PCLO: variants seen among roughly 807,000 people sequenced by gnomAD.
PCLO encodes piccolo presynaptic cytomatrix protein.
Under a neutral mutation model 427.5 loss-of-function variants are expected in PCLO, and 82 were observed. That is an observed-to-expected ratio of 0.19 (90% confidence interval 0.16 to 0.23). The LOEUF (loss-of-function observed/expected upper bound fraction) is 0.23, where lower values mean the gene tolerates loss of function less well. PCLO is among the 10% of genes least tolerant of loss of function. The probability of loss-of-function intolerance (pLI) is 1.00; values close to 1 mark genes in which losing one functional copy is unlikely to be tolerated. For synonymous variants in PCLO, 2,357 were observed against 2,155.4 expected (o/e 1.09, Z -2.59); for missense variants, 6,239 against 6,115.9 (o/e 1.02, Z -0.67).
At chr7:82,829,333 G>A (rs1055092173) in intron 16 of PCLO, among the ~76,000 whole-genome samples, 1 of 152,094 alleles carries the variant, frequency 6.6e-6, no homozygotes, top group African/African-American at 2.4e-5. Context: ...CTTACTCCCC[G>A]AAGGAAAGTC....
chr7:82,904,742 C>T (rs1794143504), intron 8 of PCLO, among the ~76,000 whole-genome samples: 1 of 151,902 alleles, frequency 6.6e-6, no homozygotes, highest in South Asian at 2.1e-4. Flanking sequence ...AATTTTTTCA[C>T]CAGTTTTATC....
Position 82,955,394 on chromosome 7 carries a change from T to C in PCLO, c.5559A>G (p.Arg1853=), listed in dbSNP as rs61995912. ...TAGGTGAATATTCAGAACAAGAAGA[T>C]CTATGGAGCTCCTCCATTTCTGCAG... ...RQAAEMEELH[R]SSCSEYSPSI... is the part of the protein sequence containing the mutation. Residue 1853 remains arginine, a synonymous_variant, in exon 5 of 25, where the codon AGA becomes AGG. Coordinates refer to ENST00000333891, the MANE Select transcript of PCLO (RefSeq NM_033026.6). 3.3e-3 allele frequency: 5,318 copies of C among 1,613,858 alleles called. 145 individuals carry two copies. In the African/African-American group the frequency reaches 0.06, roughly 18 times the overall value.
intron 7 of PCLO, among the ~76,000 whole-genome samples, chr7:82,912,200 G>A (rs1042233261): frequency 6.6e-6 from 1 of 151,832 alleles, no homozygotes; most frequent in African/African-American, 2.4e-5. Context: ...TTCAAATATA[G>A]ATATAGCATA....
At chr7:82,974,322 G>A (rs1469182890) in intron 3 of PCLO, among the ~76,000 whole-genome samples, 2 of 152,194 alleles carry the variant, frequency 1.3e-5, no homozygotes, top group African/African-American at 2.4e-5. Flanking sequence ...GGAGCTGGAG[G>A]TGGCAGTGAG....
rs547778126 is a variant in PCLO at position 83,075,930 on chromosome 7, T to C, written c.3300+58320A>G. On this transcript the variant is annotated intron_variant, in intron 3 of 24. Coordinates refer to ENST00000333891, the MANE Select transcript of PCLO (RefSeq NM_033026.6). ...GACAATAATGTGTGTAAGCAAAGAGTGTTAAAGAATTTTACACAGGAAAAC... is the reference window on the plus strand; with the variant it reads ...GACAATAATGTGTGTAAGCAAAGAGCGTTAAAGAATTTTACACAGGAAAAC... Among the ~76,000 whole-genome samples the C allele has an allele frequency of 7.2e-5, 11 of 152,036 alleles. 1 individual carries two copies. In the South Asian group the frequency reaches 2.3e-3, roughly 32 times the overall value.
chr7:83,152,848 C>T (rs544138120), intron 2 of PCLO, among the ~76,000 whole-genome samples: 45 of 152,180 alleles, frequency 3.0e-4, no homozygotes, highest in African/African-American at 1.1e-3. Flanking sequence ...TGTATTATCT[C>T]GTGATTTTTA....
intron 9 of PCLO, among the ~76,000 whole-genome samples, chr7:82,882,757 G>A (rs1478458632): frequency 6.6e-6 from 1 of 152,036 alleles, no homozygotes; most frequent in Non-Finnish European, 1.5e-5. Context: ...TACATTATAA[G>A]TATTTGATAA....
chr7:83,071,313 G>A (rs1789810202), intron 3 of PCLO, among the ~76,000 whole-genome samples: 1 of 152,142 alleles, frequency 6.6e-6, no homozygotes, highest in Non-Finnish European at 1.5e-5. Flanking sequence ...CTGTTTTAAA[G>A]TATTTCTTAA....
intron 10 of PCLO, among the ~76,000 whole-genome samples, chr7:82,848,315 T>G (rs1393966180): frequency 3.5e-5 from 5 of 143,460 alleles, no homozygotes; most frequent in Non-Finnish European, 6.1e-5. Context: ...TTTTTTTTTT[T>G]TTTTTTTTTT....
intron 3 of PCLO, among the ~76,000 whole-genome samples, chr7:83,022,818 C>A (rs535406924): frequency 3.3e-5 from 5 of 151,864 alleles, no homozygotes; most frequent in East Asian, 1.9e-4. Flanking sequence ...GTGCCTCTGG[C>A]GTAAAAAAAA....
intron 10 of PCLO, among the ~76,000 whole-genome samples, chr7:82,860,549 G>A (rs558738997): frequency 1.8e-4 from 28 of 152,014 alleles, no homozygotes; most frequent in Non-Finnish European, 3.5e-4. Flanking sequence ...TCCTACAAGA[G>A]ATGCTAAAGG....
At chr7:82,804,078 AT>A (rs1791411941) in intron 21 of PCLO, among the ~76,000 whole-genome samples, 2 of 152,154 alleles carry the variant, frequency 1.3e-5, no homozygotes, top group African/African-American at 2.4e-5. Flanking sequence ...AGGATAACAA[AT>A]TATGTGTGGT....
At chr7:82,823,970 G>T (rs994958191) in intron 19 of PCLO, among the ~76,000 whole-genome samples, 3 of 152,052 alleles carry the variant, frequency 2.0e-5, no homozygotes, top group African/African-American at 7.2e-5. Context: ...ATTTTGAGGT[G>T]GAATAGACCA....
intron 3 of PCLO, among the ~76,000 whole-genome samples, chr7:83,052,328 A>G (rs1359990867): frequency 2.6e-5 from 4 of 151,910 alleles, no homozygotes; most frequent in African/African-American, 9.7e-5. Flanking sequence ...AACTGCTTTA[A>G]AATAAAATCT....
At chr7:82,893,971 A>G (rs559770146) in intron 9 of PCLO, among the ~76,000 whole-genome samples, 1 of 152,132 alleles carries the variant, frequency 6.6e-6, no homozygotes, top group East Asian at 1.9e-4. Context: ...AATAAATTTC[A>G]TTCATTATCT....
chr7:83,043,912 C>CTTTTTTTTT (rs869061778), intron 3 of PCLO, among the ~76,000 whole-genome samples: 33 of 94,898 alleles, frequency 3.5e-4, no homozygotes, highest in Non-Finnish European at 3.8e-4. Flanking sequence ...CTATTATTTT[C>CTTTTTTTTT]TTTTTTTTTT....
At chr7:82,812,218 A>AT (rs1791587525) in intron 20 of PCLO, among the ~76,000 whole-genome samples, 1 of 151,534 alleles carries the variant, frequency 6.6e-6, no homozygotes, top group Middle Eastern at 3.2e-3. Flanking sequence ...GTTTATAATG[A>AT]TTCATTATCT....
At position 82,956,026 on chromosome 7, in the gene PCLO, G is replaced by A. The variant is rs747498481; in HGVS notation, c.4927C>T (p.Leu1643Phe). The A allele has an allele frequency of 3.7e-6, 6 of 1,613,158 alleles. No homozygotes were observed. Among genetic ancestry groups the A allele is most frequent in the Non-Finnish European group, 5.1e-6 (6 of 1,179,870 alleles). Residue 1643 changes from leucine to phenylalanine, a missense_variant, in exon 5 of 25, where the codon CTT becomes TTT. By Grantham distance (22) the Leu-to-Phe change is conservative. Transcript: ENST00000333891. ...DDEAFDESPE[L>F]KYRETKSQES... ...TGACTTTTAGTTTCTCTGTATTTAA[G>A]TTCAGGACTTTCATCAAATGCTTCA...
chr7:82,823,713 G>T (rs1791856682), intron 19 of PCLO, among the ~76,000 whole-genome samples: 1 of 152,110 alleles, frequency 6.6e-6, no homozygotes, highest in Non-Finnish European at 1.5e-5. Context: ...AAAGACTTAA[G>T]TAAATTTCAG....
Sources: allele counts gnomAD v4.1 joint callset (sites outside exome capture counted in the v4.1 genomes callset), GRCh38; gene constraint gnomAD v4.1.1; transcripts MANE v1.5; gene names NCBI Gene and HGNC (gene_info 2026-07-23, HGNC 2026-07-21).